SCIN: variants seen among roughly 807,000 people sequenced by gnomAD.
The protein encoded by SCIN is scinderin, also known as adseverin.
SCIN carries 91 observed loss-of-function variants against 91.8 expected under a neutral mutation model. The ratio of observed to expected loss-of-function variants is 0.99; its 90% CI spans 0.84 to 1.18. The LOEUF (loss-of-function observed/expected upper bound fraction) is 1.18. SCIN is among the 50% of genes most tolerant of loss of function. The pLI is 0.00. For synonymous variants in SCIN, 367 were observed against 312.6 expected, an observed-to-expected ratio of 1.17 and a Z score of -1.84; for missense variants, 1,087 against 863.9, an observed-to-expected ratio of 1.26 and a Z score of -3.24.
At chr7:12,623,800 T>C (rs1430773890) in intron 5 of SCIN, among the ~76,000 whole-genome samples, 4 of 152,318 alleles carry the variant, frequency 2.6e-5, no homozygotes, top group South Asian at 4.1e-4. Flanking sequence ...CGTAATTTCC[T>C]TTTCATAATG....
intron 3 of SCIN, among the ~76,000 whole-genome samples, chr7:12,602,307 A>G (rs1412335339): frequency 6.6e-6 from 1 of 152,224 alleles, no homozygotes; most frequent in Non-Finnish European, 1.5e-5. Flanking sequence ...CAAAGGGCAA[A>G]AAGGAGAACA....
chr7:12,619,910 T>C (rs1277089812), intron 4 of SCIN, among the ~76,000 whole-genome samples: 1 of 152,112 alleles, frequency 6.6e-6, no homozygotes, highest in Non-Finnish European at 1.5e-5. Context: ...ACACAGGTGT[T>C]ACTTGAGTAC....
chr7:12,586,495 T>C (rs1413006841), intron 3 of SCIN, among the ~76,000 whole-genome samples: 1 of 152,116 alleles, frequency 6.6e-6, no homozygotes, highest in Non-Finnish European at 1.5e-5. Context: ...TGTAAATTAC[T>C]ACAGCCATTA....
At chr7:12,645,486 A>AT (rs1378404026) in intron 13 of SCIN, among the ~76,000 whole-genome samples, 5 of 151,954 alleles carry the variant, frequency 3.3e-5, no homozygotes, top group East Asian at 1.9e-4. Context: ...TACACAGGGT[A>AT]TTTTTTTTAA....
At chr7:12,607,296 A>G (rs1030423288) in intron 4 of SCIN, among the ~76,000 whole-genome samples, 2 of 152,172 alleles carry the variant, frequency 1.3e-5, no homozygotes, top group Non-Finnish European at 2.9e-5. Context: ...GCTGTGTTTA[A>G]TTACCACTCA....
chr7:12,634,766 G>A (rs549390563), intron 9 of SCIN, among the ~76,000 whole-genome samples: 18 of 152,258 alleles, frequency 1.2e-4, no homozygotes, highest in African/African-American at 4.1e-4. Context: ...TGCTTTACAG[G>A]TTAAGGTGAC....
At chr7:12,573,593 C>T (rs1036144702) in intron 1 of SCIN, among the ~76,000 whole-genome samples, 2 of 152,076 alleles carry the variant, frequency 1.3e-5, no homozygotes, top group African/African-American at 4.8e-5. Context: ...ATTGCATTAG[C>T]CCTTCTTTAA....
chr7:12,632,179 G>T (rs1783659869), intron 9 of SCIN, among the ~76,000 whole-genome samples: 1 of 149,214 alleles, frequency 6.7e-6, no homozygotes, highest in African/African-American at 2.5e-5. Flanking sequence ...GCCCAGGCTG[G>T]AGTACAGTGG....
Position 12,638,905 on chromosome 7 carries a change from A to G in SCIN, c.1411-1442A>G, listed in dbSNP as rs569548362. Among the ~76,000 whole-genome samples, 14 of 152,362 alleles carry G rather than the reference A, an allele frequency of 9.2e-5. No homozygotes were observed. In the South Asian group the frequency reaches 2.1e-3, roughly 23 times the overall value. On this transcript the variant is annotated intron_variant, in intron 10 of 15. Coordinates refer to ENST00000297029, the MANE Select transcript of SCIN (RefSeq NM_001112706.3). ...AGGTATTACTTACCAAACTATTAAA[A>G]AACTATGAAGACATGCATTGTCTTA...
chr7:12,606,138 CTAAA>C (rs1783076628), intron 4 of SCIN, among the ~76,000 whole-genome samples: 1 of 152,312 alleles, frequency 6.6e-6, no homozygotes, highest in African/African-American at 2.4e-5. Flanking sequence ...GCGCCAGGCA[CTAAA>C]TGTTTGCACC....
intron 8 of SCIN, 143 bp downstream of exon 8, chr7:12,626,942 T>A: frequency 1.4e-6 from 1 of 721,384 alleles, no homozygotes; most frequent in Non-Finnish European, 2.3e-6. Flanking sequence ...ATACAAAAAT[T>A]AGCCAGGTGT....
intron 11 of SCIN, among the ~76,000 whole-genome samples, chr7:12,643,176 C>T (rs1261001412): frequency 1.3e-5 from 2 of 152,130 alleles, no homozygotes; most frequent in Non-Finnish European, 2.9e-5. Context: ...TTCTTGCAGC[C>T]TCTCAAACCA....
chr7:12,614,256 T>C (rs1783255045), intron 4 of SCIN, among the ~76,000 whole-genome samples: 1 of 152,182 alleles, frequency 6.6e-6, no homozygotes, highest in Admixed American at 6.5e-5. Context: ...TTAATCTTTT[T>C]GTTACATTTT....
At chr7:12,628,045 G>GTC (rs1783566256) in intron 8 of SCIN, among the ~76,000 whole-genome samples, 1 of 151,612 alleles carries the variant, frequency 6.6e-6, no homozygotes, top group African/African-American at 2.4e-5. Flanking sequence ...GTGTGTGTGT[G>GTC]TGTGTGTGTG....
At chr7:12,602,588 T>G (rs1782980924) in intron 3 of SCIN, among the ~76,000 whole-genome samples, 3 of 152,178 alleles carry the variant, frequency 2.0e-5, no homozygotes, top group South Asian at 4.2e-4. Flanking sequence ...TTTATAGATC[T>G]CCCCCAAGGA....
At chr7:12,622,750 T>A in intron 4 of SCIN, 51 bp from the exon 5 acceptor site, 1 of 1,231,164 alleles carries the variant, frequency 8.1e-7, no homozygotes, top group Non-Finnish European at 1.2e-6. Context: ...TAACTCTGCA[T>A]CCTTCAATGG....
chr7:12,577,996 A>T, intron 1 of SCIN, 68 bp from the exon 2 acceptor site: 2 of 1,371,012 alleles, frequency 1.5e-6, no homozygotes, highest in Non-Finnish European at 1.9e-6. Context: ...GACTTCTTTC[A>T]TATCAGAAAT....
chr7:12,596,964 A>G (rs895596895), intron 3 of SCIN, among the ~76,000 whole-genome samples: 1 of 152,158 alleles, frequency 6.6e-6, no homozygotes, highest in Admixed American at 6.5e-5. Flanking sequence ...CCTAATTCAA[A>G]TGTAGTTGCT....
chr7:12,598,270 G>A (rs548481803), intron 3 of SCIN, among the ~76,000 whole-genome samples: 1 of 151,914 alleles, frequency 6.6e-6, no homozygotes, highest in South Asian at 2.1e-4. Flanking sequence ...ACTCCCTGGT[G>A]GAAACAGAGT....
Sources: gnomAD v4.1 joint callset for allele counts (sites outside exome capture counted in the v4.1 genomes callset) on GRCh38, gnomAD v4.1.1 for gene constraint, MANE v1.5 for transcripts, NCBI Gene and HGNC (gene_info 2026-07-23, HGNC 2026-07-21) for gene names.